Variants in TSNARE1 observed in about 807,000 individuals in gnomAD.
TSNARE1 encodes t-SNARE domain containing 1.
TSNARE1 carries 49 observed loss-of-function variants against 62.0 expected under a neutral mutation model. The observed-to-expected ratio is 0.79, with a 90% CI of 0.63 to 1.00. The LOEUF (loss-of-function observed/expected upper bound fraction) is 1.00, where lower values mean the gene tolerates loss of function less well. TSNARE1 is among the 50% of genes least tolerant of loss of function. The pLI, the probability that TSNARE1 is intolerant of heterozygous loss-of-function variation, is 0.00. For synonymous variants in TSNARE1, 328 were observed against 294.4 expected (o/e 1.11, Z -1.17); for missense variants, 755 against 700.1 (o/e 1.08, Z -0.88).
At chr8:142,352,485 C>T (rs1363178947) in intron 2 of TSNARE1, among the ~76,000 whole-genome samples, 1 of 152,276 alleles carries the variant, frequency 6.6e-6, no homozygotes, top group Non-Finnish European at 1.5e-5. Flanking sequence ...CCTGCAGAGG[C>T]CCTGGCCATG....
rs575396527 is a variant in TSNARE1 at position 142,273,904 on chromosome 8, G to A, written c.1446+877C>T. The A allele has an allele frequency of 1.1e-5, 11 of 985,218 alleles. No homozygotes were observed. In the South Asian group the frequency reaches 5.2e-4, roughly 46 times the overall value. The allele number at this position is 985,218 out of a possible 1,614,324, so 61.0% of individuals were successfully genotyped here. On this transcript the variant is annotated intron_variant, in intron 12 of 13. Coordinates refer to ENST00000524325, the MANE Select transcript of TSNARE1 (RefSeq NM_145003.5). ...ATGTGGCTCCTCTCTCGTCACACCTGCCTGTGATGTCCTGGGCTCGTCTGG... is the reference window on the plus strand; with the variant it reads ...ATGTGGCTCCTCTCTCGTCACACCTACCTGTGATGTCCTGGGCTCGTCTGG...
chr8:142,261,039 G>A (rs1818851388), intron 12 of TSNARE1, among the ~76,000 whole-genome samples: 1 of 119,510 alleles, frequency 8.4e-6, no homozygotes, highest in African/African-American at 3.3e-5. Flanking sequence ...AGAGAAAGAG[G>A]AGGGAGGAAG....
intron 2 of TSNARE1, among the ~76,000 whole-genome samples, chr8:142,348,412 C>T (rs1833659858): frequency 6.6e-6 from 1 of 152,172 alleles, no homozygotes; most frequent in African/African-American, 2.4e-5. Context: ...GTGTGTCTAT[C>T]TCCTAAGACA....
At chr8:142,331,119 G>C (rs1830968203) in intron 5 of TSNARE1, 149 bp from the exon 6 acceptor site, 3 of 664,794 alleles carry the variant, frequency 4.5e-6, no homozygotes, top group African/African-American at 1.8e-5. Flanking sequence ...AAGTGGCCTG[G>C]AGGCCAGGGT....
At chr8:142,406,991 G>A (rs1367370569), upstream of TSNARE1, 1 of 152,220 alleles carries the variant, frequency 6.6e-6, no homozygotes, top group Non-Finnish European at 1.5e-5. Flanking sequence ...GAGCAGGAGT[G>A]ACAAAAAGAA....
intron 1 of TSNARE1, among the ~76,000 whole-genome samples, chr8:142,387,474 AAAAGCTGAATCTTGGAAG>A (rs1350064543): frequency 6.6e-6 from 1 of 152,184 alleles, no homozygotes; most frequent in Non-Finnish European, 1.5e-5. Flanking sequence ...TTAAAAATTC[AAAAGCTGAATCTTGGAAG>A]AAAAAATAAA....
intron 7 of TSNARE1, among the ~76,000 whole-genome samples, chr8:142,318,166 G>A (rs1433796604): frequency 7.2e-5 from 11 of 152,154 alleles, no homozygotes; most frequent in Admixed American, 2.0e-4. Flanking sequence ...CTTGGGTGGC[G>A]GATGCAGCAG....
chr8:142,216,942 T>G (rs981444270), intron 13 of TSNARE1, among the ~76,000 whole-genome samples: 2 of 151,944 alleles, frequency 1.3e-5, no homozygotes, highest in Non-Finnish European at 2.9e-5. Context: ...AGGTGAACAG[T>G]CGTGGAGAAA....
intron 13 of TSNARE1, among the ~76,000 whole-genome samples, chr8:142,223,101 TTCACTCACTCGTTC>T (rs1816520390): frequency 2.3e-5 from 3 of 131,922 alleles, no homozygotes; most frequent in Admixed American, 7.5e-5. Flanking sequence ...CATCCACTCA[TTCACTCACTCGTTC>T]ACTCATTCAC....
At chr8:142,346,950 C>T (rs1020477377) in intron 2 of TSNARE1, among the ~76,000 whole-genome samples, 5 of 152,182 alleles carry the variant, frequency 3.3e-5, no homozygotes, top group Admixed American at 2.0e-4. Flanking sequence ...ACGAGGTGGG[C>T]GAGGGCCCAA....
chr8:142,305,330 G>A (rs925522555), intron 9 of TSNARE1, among the ~76,000 whole-genome samples: 1 of 148,084 alleles, frequency 6.8e-6, no homozygotes, highest in African/African-American at 2.5e-5. Flanking sequence ...AAGCTCAGGA[G>A]GATAGGGGAG....
chr8:142,401,518 C>G (rs937214195), intron 1 of TSNARE1, among the ~76,000 whole-genome samples: 1 of 152,200 alleles, frequency 6.6e-6, no homozygotes, highest in African/African-American at 2.4e-5. Context: ...CCATGAGGAG[C>G]TGTGGAAGAG....
chr8:142,244,659 A>G (rs1451203145), intron 12 of TSNARE1, among the ~76,000 whole-genome samples: 1 of 152,224 alleles, frequency 6.6e-6, no homozygotes, highest in African/African-American at 2.4e-5. Context: ...TCCCCAAGAC[A>G]CTCCTAGAAC....
intron 1 of TSNARE1, among the ~76,000 whole-genome samples, chr8:142,357,340 T>A (rs1404086185): frequency 1.3e-5 from 2 of 152,050 alleles, no homozygotes; most frequent in Non-Finnish European, 2.9e-5. Flanking sequence ...GGTCCAGCAG[T>A]CCCAAGGAAG....
Position 142,243,917 on chromosome 8 carries a change from G to T in TSNARE1, c.1447-14338C>A, listed in dbSNP as rs548232034. On this transcript the variant is annotated intron_variant, in intron 12 of 13. Coordinates refer to ENST00000524325, the MANE Select transcript of TSNARE1 (RefSeq NM_145003.5). ...ATATACAAAAAAGAAGCCGGGCATG[G>T]TGGCTCATGCCTGTAATCCCAGCAA... is the stretch of plus-strand genomic sequence containing the variant. 1.2e-4 allele frequency among the ~76,000 whole-genome samples: 19 copies of T among 152,340 alleles called. 1 individual carries two copies. In the South Asian group the frequency reaches 3.9e-3, roughly 32 times the overall value.
chr8:142,394,485 G>C (rs544507677), intron 1 of TSNARE1, among the ~76,000 whole-genome samples: 2 of 152,314 alleles, frequency 1.3e-5, no homozygotes, highest in South Asian at 2.1e-4. Context: ...GATGGCAGCA[G>C]GTCTAAGACT....
intron 13 of TSNARE1, among the ~76,000 whole-genome samples, chr8:142,219,764 C>T (rs1333421952): frequency 3.9e-5 from 6 of 152,228 alleles, no homozygotes; most frequent in Admixed American, 6.5e-5. Context: ...TGGCTCTGCC[C>T]TTCCCCCCTG....
At chr8:142,220,600 C>T (rs560398678) in intron 13 of TSNARE1, among the ~76,000 whole-genome samples, 12 of 152,308 alleles carry the variant, frequency 7.9e-5, no homozygotes, top group Non-Finnish European at 1.2e-4. Flanking sequence ...CAGGCCCTCT[C>T]GGGCTTCTGA....
intron 9 of TSNARE1, among the ~76,000 whole-genome samples, chr8:142,306,394 C>T (rs563781232): frequency 1.3e-5 from 2 of 152,328 alleles, no homozygotes; most frequent in South Asian, 2.1e-4. Flanking sequence ...TGGCCAGTGA[C>T]GGCAGAGACA....
Sources: allele counts gnomAD v4.1 joint callset (sites outside exome capture counted in the v4.1 genomes callset), GRCh38; gene constraint gnomAD v4.1.1; transcripts MANE v1.5; gene names NCBI Gene and HGNC (gene_info 2026-07-23, HGNC 2026-07-21).